Variants in SLC4A4 observed in about 807,000 individuals in gnomAD.
SLC4A4 encodes solute carrier family 4 member 4.
A neutral mutation model predicts 111.5 loss-of-function variants in SLC4A4; 27 were observed. The observed-to-expected ratio is 0.24, with a 90% CI of 0.18 to 0.33. SLC4A4 has a LOEUF of 0.33. Ranked by LOEUF, SLC4A4 falls within the 10% of genes least tolerant of loss-of-function variation. The probability of loss-of-function intolerance (pLI) is 1.00; values close to 1 mark genes in which losing one functional copy is unlikely to be tolerated. For missense variants in SLC4A4, 909 were observed against 1,315.5 expected (o/e 0.69, Z 4.78); for synonymous variants, 443 against 463.4 (o/e 0.96, Z 0.57).
At chr4:71,256,671 C>T (rs553131796) in intron 3 of SLC4A4, among the ~76,000 whole-genome samples, 6 of 152,224 alleles carry the variant, frequency 3.9e-5, no homozygotes, top group African/African-American at 1.4e-4. Context: ...CTTTACATAT[C>T]GATTAAGGTA....
intron 1 of SLC4A4, among the ~76,000 whole-genome samples, chr4:71,205,776 T>A (rs1340437781): frequency 6.6e-6 from 1 of 152,224 alleles, no homozygotes; most frequent in Non-Finnish European, 1.5e-5. Flanking sequence ...TGTTTTTCTC[T>A]TATCAGAAAG....
At position 71,389,406 on chromosome 4, in the gene SLC4A4, A is replaced by G. The variant is rs56368898; in HGVS notation, c.731-8171A>G. ...GCTTCGACTTATTTTAGTTTCTCCC[A>G]GCTTTTCTCTACCCCAGCCTCTCCT... On this transcript the variant is annotated intron_variant, in intron 6 of 25. Coordinates refer to ENST00000264485, the MANE Select transcript of SLC4A4 (RefSeq NM_001098484.3). Among the ~76,000 whole-genome samples, 321 of 152,270 alleles carry G rather than the reference A, an allele frequency of 2.1e-3. 2 individuals are homozygous for G. Among genetic ancestry groups the G allele is most frequent in the African/African-American group, 7.3e-3 (302 of 41,548 alleles).
intron 6 of SLC4A4, among the ~76,000 whole-genome samples, chr4:71,393,204 C>T (rs1037361256): frequency 6.6e-5 from 10 of 152,126 alleles, no homozygotes; most frequent in East Asian, 1.9e-4. Context: ...GCATCCAAAT[C>T]GGTAAAGAGG....
rs972448555 is a variant in SLC4A4, at chr4:71,281,166, A to C, written c.253+25767A>C. 2.0e-5 allele frequency among the ~76,000 whole-genome samples: 3 copies of C among 152,122 alleles called. No individual in the cohort carries two copies. The East Asian group carries it at 5.8e-4, about 29-fold the overall frequency. On this transcript the variant is annotated intron_variant, in intron 3 of 25. Transcript: ENST00000264485. ...TTTGCATGCTGTGTACTTAACTTTGAGTTAGACAATGGATGCTCATCACAA... is the reference window on the plus strand; with the variant it reads ...TTTGCATGCTGTGTACTTAACTTTGCGTTAGACAATGGATGCTCATCACAA...
At chr4:71,260,077 A>G (rs564449292) in intron 3 of SLC4A4, among the ~76,000 whole-genome samples, 30 of 152,142 alleles carry the variant, frequency 2.0e-4, no homozygotes, top group Non-Finnish European at 4.1e-4. Flanking sequence ...GTGTACCAGA[A>G]CTGATGGATT....
intron 2 of SLC4A4, among the ~76,000 whole-genome samples, chr4:71,178,528 C>T (rs1745167746): frequency 6.6e-6 from 1 of 152,214 alleles, no homozygotes. Context: ...GGGGATATCA[C>T]CACCATCCCA....
intron 4 of SLC4A4, among the ~76,000 whole-genome samples, chr4:71,346,727 G>T (rs1056911964): frequency 2.0e-5 from 3 of 152,040 alleles, no homozygotes; most frequent in Admixed American, 2.0e-4. Flanking sequence ...CAAAGCATGT[G>T]CCATTTCTGG....
intron 15 of SLC4A4, among the ~76,000 whole-genome samples, chr4:71,494,893 C>T (rs1269902380): frequency 1.3e-5 from 2 of 151,912 alleles, no homozygotes; most frequent in African/African-American, 4.8e-5. Flanking sequence ...TTATATGGAA[C>T]AATAATATTG....
intron 3 of SLC4A4, among the ~76,000 whole-genome samples, chr4:71,260,994 T>C (rs1297179711): frequency 3.3e-5 from 5 of 152,250 alleles, no homozygotes; most frequent in Admixed American, 2.0e-4. Flanking sequence ...TCTGTAGAGC[T>C]TAATTCCTTG....
chr4:71,167,552 G>A (rs1744812017), intron 2 of SLC4A4, among the ~76,000 whole-genome samples: 1 of 152,134 alleles, frequency 6.6e-6, no homozygotes, highest in Non-Finnish European at 1.5e-5. Context: ...TGTGACATTG[G>A]CCAAAGAAAA....
intron 13 of SLC4A4, 55 bp from the exon 14 acceptor site, chr4:71,472,644 T>C (rs1727990973): frequency 1.3e-6 from 2 of 1,556,814 alleles, no homozygotes; most frequent in Non-Finnish European, 1.8e-6. Context: ...AGTTTTATAT[T>C]ATTCTTTGTG....
intron 1 of SLC4A4, among the ~76,000 whole-genome samples, chr4:71,079,322 T>G (rs1741928563): frequency 6.6e-6 from 1 of 152,096 alleles, no homozygotes; most frequent in Non-Finnish European, 1.5e-5. Context: ...ATGGGACACA[T>G]ATACAGCAGT....
chr4:71,451,955 G>A (rs554820690), intron 11 of SLC4A4, among the ~76,000 whole-genome samples: 1 of 152,272 alleles, frequency 6.6e-6, no homozygotes, highest in African/African-American at 2.4e-5. Context: ...GGGAATTCAG[G>A]TTTCCTAAAT....
Position 71,071,072 on chromosome 4 carries a change from A to G in SLC4A4, c.-65+8284A>G, listed in dbSNP as rs1187149695. Among the ~76,000 whole-genome samples the G allele has an allele frequency of 4.0e-5, 6 of 151,464 alleles. No homozygotes were observed. In the East Asian group the frequency reaches 1.2e-3, roughly 29 times the overall value. On this transcript the variant is annotated intron_variant, in intron 1 of 26. Coordinates refer to the SLC4A4 transcript ENST00000649996. Reference sequence around the variant, plus strand: ...GATCACTTGAGGCAAGGAGTTGGAGACCAGCCTGGCCAACATAGCAAAACC... The same window carrying G: ...GATCACTTGAGGCAAGGAGTTGGAGGCCAGCCTGGCCAACATAGCAAAACC...
chr4:71,446,363 T>A (rs774446822), intron 8 of SLC4A4, among the ~76,000 whole-genome samples: 1 of 152,158 alleles, frequency 6.6e-6, no homozygotes, highest in Non-Finnish European at 1.5e-5. Flanking sequence ...TACCTAAGAT[T>A]TCTTGTCCCT....
At chr4:71,488,045 G>A (rs1258296056) in intron 15 of SLC4A4, among the ~76,000 whole-genome samples, 1 of 151,120 alleles carries the variant, frequency 6.6e-6, no homozygotes, top group Non-Finnish European at 1.5e-5. Context: ...TTGCCTAAAA[G>A]GTCTTGCCTA....
intron 7 of SLC4A4, among the ~76,000 whole-genome samples, chr4:71,401,077 C>A (rs1027994698): frequency 6.6e-6 from 1 of 152,166 alleles, no homozygotes; most frequent in Non-Finnish European, 1.5e-5. Flanking sequence ...TGGTGCCTTG[C>A]AACTTCCTGG....
At chr4:71,347,147 A>C (rs2148898917) in intron 4 of SLC4A4, among the ~76,000 whole-genome samples, 1 of 152,254 alleles carries the variant, frequency 6.6e-6, no homozygotes, top group East Asian at 1.9e-4. Flanking sequence ...TTGCAAATGC[A>C]CTTTTTAAAT....
At chr4:71,089,003 C>T (rs963525322) in intron 1 of SLC4A4, among the ~76,000 whole-genome samples, 20 of 152,090 alleles carry the variant, frequency 1.3e-4, no homozygotes, top group Non-Finnish European at 2.6e-4. Context: ...AGAATGTTTT[C>T]CAACTTGGTT....
Sources: allele counts gnomAD v4.1 joint callset (sites outside exome capture counted in the v4.1 genomes callset), GRCh38; gene constraint gnomAD v4.1.1; transcripts MANE v1.5; gene names NCBI Gene and HGNC (gene_info 2026-07-23, HGNC 2026-07-21).